Variants in MARF1 observed in about 807,000 individuals in gnomAD.
MARF1 encodes meiosis regulator and mRNA stability factor 1.
In MARF1, 24 loss-of-function variants were observed where a neutral mutation model predicts 168.2. The ratio of observed to expected loss-of-function variants is 0.14; its 90% CI spans 0.10 to 0.20. MARF1 has a LOEUF of 0.20. MARF1 is among the 10% of genes least tolerant of loss of function. MARF1 has a pLI of 1.00. For missense variants in MARF1, 1,744 were observed against 2,143.6 expected (o/e 0.81, Z 3.68); for synonymous variants, 868 against 822.4 (o/e 1.06, Z -0.95).
intron 2 of MARF1, among the ~76,000 whole-genome samples, chr16:15,637,580 G>A (rs889443129): frequency 6.6e-6 from 1 of 152,204 alleles, no homozygotes. Context: ...GGCTCATACA[G>A]GCAGGCTTAC....
intron 15 of MARF1, 163 bp downstream of exon 15, chr16:15,616,888 AT>A (rs1194907283): frequency 1.0e-6 from 1 of 981,828 alleles, no homozygotes; most frequent in Non-Finnish European, 1.5e-6. Flanking sequence ...GTTGGCCAAA[AT>A]TTTGTTATGT....
At chr16:15,605,953 C>T (rs545134665) in intron 21 of MARF1, 148 of 152,550 alleles carry the variant, frequency 9.7e-4, no homozygotes, top group Middle Eastern at 3.1e-3. Flanking sequence ...CACACCACAG[C>T]CGTATAGCCT....
intron 22 of MARF1, among the ~76,000 whole-genome samples, chr16:15,603,261 A>T (rs1044420714): frequency 6.6e-6 from 1 of 152,158 alleles, no homozygotes; most frequent in Non-Finnish European, 1.5e-5. Context: ...GGACTATCTT[A>T]TGTTTTTGGT....
At chr16:15,615,408 G>A (rs2033963790) in intron 16 of MARF1, among the ~76,000 whole-genome samples, 4 of 152,048 alleles carry the variant, frequency 2.6e-5, no homozygotes, top group African/African-American at 9.7e-5. Context: ...AGTGGATAAT[G>A]AGGTCAAGAG....
chr16:15,609,413 C>T, intron 20 of MARF1, 110 bp downstream of exon 20: 2 of 825,206 alleles, frequency 2.4e-6, no homozygotes, highest in East Asian at 2.7e-5. Flanking sequence ...AGATTTTCAT[C>T]CTCTTTCGTA....
At chr16:15,639,021 G>A in intron 2 of MARF1, 69 bp downstream of exon 2, 5 of 1,501,116 alleles carry the variant, frequency 3.3e-6, no homozygotes, top group Non-Finnish European at 4.5e-6. Flanking sequence ...CTGTATCCCA[G>A]ACCAAATGGA....
rs1230914846 is a variant in MARF1, at chr16:15,625,090, G to A, written c.2037C>T (p.His679=). The A allele has an allele frequency of 2.1e-5, 34 of 1,614,036 alleles. No individual in the cohort carries two copies. The highest frequency in any genetic ancestry group is 1.6e-4 in the Middle Eastern group (1 of 6,084). The change falls in exon 9 of 27, where the codon CAC becomes CAT. Residue 679 remains histidine (H), a synonymous_variant. Coordinates refer to ENST00000396368, the MANE Select transcript of MARF1 (RefSeq NM_014647.4). ...QGHLRLVVPT[H]GNSSAAVSTP... Reference sequence around the variant, plus strand: ...TCGACACTGCAGCACTTGAGTTACCGTGAGTGGGTACGACCAGCCTCAGGT... The same window carrying A: ...TCGACACTGCAGCACTTGAGTTACCATGAGTGGGTACGACCAGCCTCAGGT...
chr16:15,628,409 C>CT (rs931390727), intron 7 of MARF1, among the ~76,000 whole-genome samples: 70 of 148,140 alleles, frequency 4.7e-4, no homozygotes, highest in East Asian at 7.8e-4. Flanking sequence ...TCTTTTCTTT[C>CT]TTTTTTTTTT....
intron 22 of MARF1, 37 bp from the exon 23 acceptor site, chr16:15,602,240 T>C (rs920552105): frequency 7.7e-6 from 12 of 1,556,888 alleles, no homozygotes; most frequent in Non-Finnish European, 1.1e-5. Flanking sequence ...GAAATATTAG[T>C]GACTGGCCCT....
chr16:15,635,707 T>C lies in MARF1; in HGVS notation c.780A>G (p.Val260=). The change falls in exon 3 of 27, where the codon GTA becomes GTG. Residue 260 remains valine, a synonymous_variant. Transcript: ENST00000396368. ...GTGAGCCCTTTAAACAAACCGGAGG[T>C]ACCACATTAAGGTGCAAAGAGTTGG... ...LCTNSLHLNV[V]PPVCLKGSLY... The C allele has an allele frequency of 1.2e-6, 2 of 1,614,080 alleles. No homozygotes were observed. Among genetic ancestry groups the C allele is most frequent in the Non-Finnish European group, 1.7e-6 (2 of 1,180,030 alleles).
At chr16:15,597,038 T>A in intron 26 of MARF1, 101 bp from the exon 27 acceptor site, 1 of 1,334,766 alleles carries the variant, frequency 7.5e-7, no homozygotes, top group African/African-American at 1.5e-5. Flanking sequence ...ATAATAGTAA[T>A]AAAAAGCTTC....
chr16:15,614,049 G>A (rs928675158), intron 16 of MARF1, among the ~76,000 whole-genome samples: 1 of 152,182 alleles, frequency 6.6e-6, no homozygotes, highest in Non-Finnish European at 1.5e-5. Context: ...ACTCACCCAA[G>A]TCTAGGTCCA....
chr16:15,614,776 G>A lies in MARF1; in HGVS notation c.3253+1054C>T, dbSNP rs184989539. Among the ~76,000 whole-genome samples the A allele has an allele frequency of 3.0e-4, 45 of 151,766 alleles. No individual in the cohort carries two copies. The East Asian group carries it at 7.4e-3, about 25-fold the overall frequency. On this transcript the variant is annotated intron_variant, in intron 16 of 26. Transcript: ENST00000396368. ...CCACTACACTCCAGCCTGGGCAACA[G>A]AGCAAGACTCCGTCTCAAAAAAAAA... is the stretch of plus-strand genomic sequence containing the variant.
rs566673351 is a variant in MARF1, at chr16:15,643,024, C to T, written c.-65G>A. ...GGACTGTCTGCAAACTCACCTCTGC[C>T]GCCGGCTCCACCTCCGCTCACATTC... On this transcript the variant is annotated 5_prime_UTR_variant, in exon 1 of 27. Coordinates refer to ENST00000396368, the MANE Select transcript of MARF1 (RefSeq NM_014647.4). 3.5e-6 allele frequency: 1 copy of T among 284,822 alleles called. No homozygotes were observed. The highest frequency in any genetic ancestry group is 2.8e-5 in the South Asian group (1 of 36,236). 17.6% of individuals were successfully genotyped at this position (284,822 alleles called of 1,614,324 possible). A position where few individuals can be genotyped will look rare whatever the true frequency, so the allele number is the denominator to read the frequency against.
chr16:15,608,540 G>A, intron 20 of MARF1, 22 bp from the exon 21 acceptor site: 1 of 1,554,728 alleles, frequency 6.4e-7, no homozygotes, highest in Non-Finnish European at 8.9e-7. Context: ...CACGGGGGGA[G>A]GAAAGGGAAA....
intron 6 of MARF1, among the ~76,000 whole-genome samples, chr16:15,630,929 G>A (rs1326268372): frequency 6.6e-6 from 1 of 152,012 alleles, no homozygotes; most frequent in Non-Finnish European, 1.5e-5. Flanking sequence ...TCAGGAGTTT[G>A]AGACCAGCCT....
rs1567569787 is a variant in MARF1, at chr16:15,624,865, T to A, written c.2174A>T (p.Glu725Val). 1 of 1,614,170 alleles carries A rather than the reference T, an allele frequency of 6.2e-7. No individual in the cohort carries two copies. The highest frequency in any genetic ancestry group is 2.2e-5 in the East Asian group (1 of 44,888). ...SSPVEKKDKE[E>V]TVFQVSYPSA... ...CGGGTAACTCACTTGGAATACAGTCTCCTCTTTATCTTTTTTCTCTACAGG... is the reference window on the plus strand; with the variant it reads ...CGGGTAACTCACTTGGAATACAGTCACCTCTTTATCTTTTTTCTCTACAGG... Residue 725 changes from glutamate (E) to valine (V), a missense_variant, in exon 10 of 27, where the codon GAG becomes GTG. Physicochemically the swap from Glu to Val is moderately radical, Grantham distance 121. Around this residue, in one of 7 missense-constraint regions of MARF1, gnomAD observed 270 missense variants for 260.6 expected, o/e 1.04. Transcript: ENST00000396368.
Position 15,623,114 on chromosome 16 carries a change from A to G in MARF1, c.2280T>C (p.Ser760=). 6.3e-7 allele frequency: 1 copy of G among 1,589,926 alleles called. No individual in the cohort carries two copies. The highest frequency in any genetic ancestry group is 8.6e-7 in the Non-Finnish European group (1 of 1,160,826). ...GGGATGCTCTGTTTAAAAGGTTTGGAGACATACTCCTGCTTAAAACACACA... is the reference window on the plus strand; with the variant it reads ...GGGATGCTCTGTTTAAAAGGTTTGGGGACATACTCCTGCTTAAAACACACA... ...ASQSWSSRSM[S]PNLLNRASPL... is the part of the protein sequence containing the mutation. The change falls in exon 11 of 27, where the codon TCT becomes TCC. Residue 760 remains serine, a synonymous_variant. Coordinates refer to ENST00000396368, the MANE Select transcript of MARF1 (RefSeq NM_014647.4).
Position 15,639,244 on chromosome 16 carries a change from A to G in MARF1, c.-11T>C, listed in dbSNP as rs2035791790. ...GTTTCCTTCCATCATACAGCCATGC[A>G]AAGTGATTCAACATCCTTTCATCTT... On this transcript the variant is annotated 5_prime_UTR_variant, in exon 2 of 27. Transcript: ENST00000396368. The G allele has an allele frequency of 6.2e-7, 1 of 1,608,104 alleles. No individual in the cohort carries two copies. The highest frequency in any genetic ancestry group is 1.1e-5 in the South Asian group (1 of 90,178).
Sources: gnomAD v4.1 joint callset for allele counts (sites outside exome capture counted in the v4.1 genomes callset) on GRCh38, gnomAD v4.1.1 for gene constraint, gnomAD v4.1.1 regional missense constraint, MANE v1.5 for transcripts, NCBI Gene and HGNC (gene_info 2026-07-23, HGNC 2026-07-21) for gene names.